Variants in ETS1 observed in about 807,000 individuals in gnomAD.
The protein encoded by ETS1 is ETS proto-oncogene 1, transcription factor.
A neutral mutation model predicts 58.6 loss-of-function variants in ETS1; 15 were observed. The observed-to-expected ratio is 0.26, with a 90% CI of 0.17 to 0.39. The LOEUF (loss-of-function observed/expected upper bound fraction) is 0.39. Ranked by LOEUF, ETS1 falls within the 10% of genes least tolerant of loss-of-function variation. ETS1 has a pLI of 1.00. For synonymous variants in ETS1, 214 were observed against 218.2 expected (o/e 0.98, Z 0.17); for missense variants, 417 against 610.5 (o/e 0.68, Z 3.34).
intron 2 of ETS1, among the ~76,000 whole-genome samples, chr11:128,569,845 A>G (rs1864590004): frequency 6.6e-6 from 1 of 152,250 alleles, no homozygotes; most frequent in Non-Finnish European, 1.5e-5. Context: ...TGCAAGAACA[A>G]TAATTCAGCA....
intron 3 of ETS1, among the ~76,000 whole-genome samples, chr11:128,544,762 G>A (rs906006998): frequency 6.6e-6 from 1 of 152,002 alleles, no homozygotes. Flanking sequence ...TTAATTCATT[G>A]TGAAATATTC....
intron 3 of ETS1, among the ~76,000 whole-genome samples, chr11:128,505,599 C>A (rs745570231): frequency 6.6e-6 from 1 of 152,286 alleles, no homozygotes; most frequent in South Asian, 2.1e-4. Context: ...GGGCAGACAG[C>A]CTCAGACGCC....
chr11:128,522,329 TC>T, intron 3 of ETS1: 1 of 1,037,914 alleles, frequency 9.6e-7, no homozygotes, highest in South Asian at 3.8e-5. Flanking sequence ...TCTCCCTCCC[TC>T]TCGCCCTCCC....
intron 7 of ETS1, among the ~76,000 whole-genome samples, chr11:128,484,515 C>A (rs1862572491): frequency 6.6e-6 from 1 of 152,148 alleles, no homozygotes; most frequent in Non-Finnish European, 1.5e-5. Context: ...TAGAGCATAC[C>A]TTTCAAAATG....
At chr11:128,530,759 C>G (rs528798274) in intron 3 of ETS1, among the ~76,000 whole-genome samples, 1 of 151,938 alleles carries the variant, frequency 6.6e-6, no homozygotes, top group African/African-American at 2.4e-5. Context: ...AAGAGAGAAC[C>G]CTTTCCAGGA....
At chr11:128,469,503 G>C (rs1329134061) in intron 8 of ETS1, among the ~76,000 whole-genome samples, 3 of 152,188 alleles carry the variant, frequency 2.0e-5, no homozygotes, top group African/African-American at 7.2e-5. Flanking sequence ...TCTGAGGGTG[G>C]GGTGGGTGAC....
intron 3 of ETS1, among the ~76,000 whole-genome samples, chr11:128,541,404 G>A (rs186829824): frequency 3.3e-4 from 51 of 152,282 alleles, no homozygotes; most frequent in Non-Finnish European, 5.6e-4. Flanking sequence ...CCCTCCACTA[G>A]CTAGGACAAG....
intron 3 of ETS1, among the ~76,000 whole-genome samples, chr11:128,508,824 T>C (rs932819469): frequency 2.0e-5 from 3 of 152,174 alleles, no homozygotes; most frequent in Admixed American, 1.3e-4. Context: ...GCCTAGTGTG[T>C]ATTCTGCACC....
intron 1 of ETS1, among the ~76,000 whole-genome samples, chr11:128,574,749 T>C (rs970490394): frequency 1.3e-5 from 2 of 152,202 alleles, no homozygotes; most frequent in African/African-American, 2.4e-5. Context: ...TTTTTACTCT[T>C]AGAATCAAGT....
chr11:128,546,502 C>A (rs184657762), intron 3 of ETS1, among the ~76,000 whole-genome samples: 1 of 152,184 alleles, frequency 6.6e-6, no homozygotes, highest in African/African-American at 2.4e-5. Context: ...AACCTATGCA[C>A]GTCCTCCCAT....
At chr11:128,479,578 C>T (rs1235796053) in intron 8 of ETS1, among the ~76,000 whole-genome samples, 2 of 152,192 alleles carry the variant, frequency 1.3e-5, no homozygotes, top group African/African-American at 4.8e-5. Context: ...TCTCTATGGC[C>T]TTTCTTCACC....
At chr11:128,548,264 A>T (rs1864168771) in intron 3 of ETS1, among the ~76,000 whole-genome samples, 1 of 151,362 alleles carries the variant, frequency 6.6e-6, no homozygotes, top group African/African-American at 2.4e-5. Context: ...AAGGTAACCT[A>T]CGAAATCAGA....
At chr11:128,527,046 C>A in intron 3 of ETS1, 1 of 448,240 alleles carries the variant, frequency 2.2e-6, no homozygotes, top group Non-Finnish European at 4.5e-6. Context: ...GGAGAAGTAC[C>A]AGACACCCTT....
At chr11:128,470,760 G>C (rs940709519) in intron 8 of ETS1, among the ~76,000 whole-genome samples, 1 of 152,074 alleles carries the variant, frequency 6.6e-6, no homozygotes, top group Non-Finnish European at 1.5e-5. Flanking sequence ...GCCTTCGTAT[G>C]GCAACTTTGA....
At position 128,460,179 on chromosome 11, in the gene ETS1, T is replaced by C. The variant is rs1861874030; in HGVS notation, c.*2182A>G. 3 of 152,426 alleles carry C rather than the reference T, an allele frequency of 2.0e-5. No homozygotes were observed. The highest frequency in any genetic ancestry group is 4.8e-5 in the African/African-American group (2 of 41,288). The allele number at this position is 152,426 out of a possible 1,614,324, so 9.4% of individuals were successfully genotyped here. A position where few individuals can be genotyped will look rare whatever the true frequency, so the allele number is the denominator to read the frequency against. Reference sequence around the variant, plus strand: ...TTGCCAGTGCCCAACAAAAATCACATAATCTAAGAGAAAACAATGTAGTCC... The same window carrying C: ...TTGCCAGTGCCCAACAAAAATCACACAATCTAAGAGAAAACAATGTAGTCC... On this transcript the variant is annotated 3_prime_UTR_variant, in exon 10 of 10. Transcript: ENST00000392668.
rs1306141763 is a variant in ETS1 at position 128,534,960 on chromosome 11, G to A, written c.214+21331C>T. On this transcript the variant is annotated intron_variant, in intron 3 of 9. Transcript: ENST00000392668. ...ATATACCCAGTAATGGGACTGCTGGGTCAAATGGTATTTCTGGTTCTTGAT... is the reference window on the plus strand; with the variant it reads ...ATATACCCAGTAATGGGACTGCTGGATCAAATGGTATTTCTGGTTCTTGAT... 2.6e-5 allele frequency among the ~76,000 whole-genome samples: 4 copies of A among 152,186 alleles called. No individual in the cohort carries two copies. In the East Asian group the frequency reaches 5.8e-4, roughly 22 times the overall value.
intron 3 of ETS1, among the ~76,000 whole-genome samples, chr11:128,496,485 G>A (rs141459104): frequency 8.5e-5 from 13 of 152,216 alleles, no homozygotes; most frequent in African/African-American, 1.4e-4. Flanking sequence ...CCAAACTGCC[G>A]ACAACAAGTC....
At chr11:128,533,165 A>G (rs887201961) in intron 3 of ETS1, among the ~76,000 whole-genome samples, 2 of 152,234 alleles carry the variant, frequency 1.3e-5, no homozygotes, top group Non-Finnish European at 2.9e-5. Flanking sequence ...CCTTAAAGGA[A>G]TGGATAAGGT....
At chr11:128,484,700 G>A in intron 7 of ETS1, 123 bp downstream of exon 7, 1 of 841,598 alleles carries the variant, frequency 1.2e-6, no homozygotes, top group Non-Finnish European at 1.9e-6. Flanking sequence ...AAGATGGGAA[G>A]GCTGAAACTG....
Sources: allele counts gnomAD v4.1 joint callset (sites outside exome capture counted in the v4.1 genomes callset), GRCh38; gene constraint gnomAD v4.1.1; transcripts MANE v1.5; gene names NCBI Gene and HGNC (gene_info 2026-07-23, HGNC 2026-07-21).